The following CCL23 variants were observed in gnomAD, a reference collection of about 807,000 sequenced individuals.
CCL23 encodes C-C motif chemokine 23.
Under a neutral mutation model 11.8 loss-of-function variants are expected in CCL23, and 10 were observed. The ratio of observed to expected loss-of-function variants is 0.84; its 90% CI spans 0.52 to 1.43. The LOEUF is 1.43. Among genes scored for constraint, CCL23 ranks in the 40% most tolerant of loss-of-function variants. CCL23 has a pLI of 0.00. For synonymous variants in CCL23, 60 were observed against 61.0 expected (o/e 0.98, Z 0.07); for missense variants, 181 against 170.9 (o/e 1.06, Z -0.33).
In CCL23 at chr17:36,013,719, C is replaced by G. The variant is rs533067929; in HGVS notation, c.302+25G>C. On this transcript the variant is annotated intron_variant, in intron 3 of 3. Transcript: ENST00000615050. ...GCTACAGAGTCCTTCTCCCTCAACA[C>G]ATGTTTGGTGAGCTTGGCACCTACA... 26 of 1,613,094 alleles carry G rather than the reference C, an allele frequency of 1.6e-5. No homozygotes were observed. In the South Asian group the frequency reaches 2.2e-4, roughly 14 times the overall value.
intron 1 of CCL23, among the ~76,000 whole-genome samples, chr17:36,016,496 C>T (rs1461591635): frequency 2.0e-5 from 3 of 152,108 alleles, no homozygotes; most frequent in Non-Finnish European, 4.4e-5. Flanking sequence ...CTGCAAAGGA[C>T]ATGAATTCAT....
At position 36,017,916 on chromosome 17, in the gene CCL23, G is replaced by T; in HGVS notation, c.-19C>A. The T allele has an allele frequency of 6.2e-7, 1 of 1,612,688 alleles. No individual in the cohort carries two copies. Among genetic ancestry groups the T allele is most frequent in the Non-Finnish European group, 8.5e-7 (1 of 1,179,694 alleles). On this transcript the variant is annotated 5_prime_UTR_variant, in exon 1 of 4. In the 5' UTR this introduces an upstream ATG that the reference lacks. Transcript: ENST00000615050. ...CCTTCATCCTCCTGGTGGGCAGGCA[G>T]GGCTGGCCGAGGACTCCTGGGCTCA...
intron 3 of CCL23, 37 bp from the exon 4 acceptor site, chr17:36,013,345 T>C (rs201688503): frequency 7.2e-7 from 1 of 1,383,072 alleles, no homozygotes; most frequent in East Asian, 2.3e-5. Flanking sequence ...CAAACTGAGG[T>C]GTGTCCAGCA....
At position 36,013,820 on chromosome 17, in the gene CCL23, T is replaced by C. The variant is rs199911286; in HGVS notation, c.226A>G (p.Thr76Ala). ...ATSADCCISY[T>A]PRSIPCSLLE... ...AGTGAACACGGGATGCTTCGTGGGG[T>C]GTAGGAGATGCAGCAGTCAGCACTA... The change falls in exon 3 of 4, where the codon ACC (threonine) becomes GCC (alanine). Residue 76 changes from threonine to alanine, a missense_variant. Physicochemically the swap from Thr to Ala is moderately conservative, Grantham distance 58. Coordinates refer to ENST00000615050, the MANE Select transcript of CCL23 (RefSeq NM_005064.6). 284 of 1,613,946 alleles carry C rather than the reference T, an allele frequency of 1.8e-4. No homozygotes were observed. Among genetic ancestry groups the C allele is most frequent in the Non-Finnish European group, 2.3e-4 (270 of 1,179,978 alleles).
chr17:36,014,365 C>T lies in CCL23; in HGVS notation c.105G>A (p.Lys35=), dbSNP rs749752577. The T allele has an allele frequency of 3.1e-6, 5 of 1,613,656 alleles. No homozygotes were observed. The highest frequency in any genetic ancestry group is 1.3e-5 in the African/African-American group (1 of 75,044). The change falls in exon 2 of 4, where the codon AAG becomes AAA. Residue 35 remains lysine, a synonymous_variant. Transcript: ENST00000615050. ...GAAGTACTGGATTTTCCAATGGAAG[C>T]TTTGACATCATGAACTCTGTCTCTG... ...KDAETEFMMS[K]LPLENPVLLD... is the part of the protein sequence containing the mutation.
intron 1 of CCL23, among the ~76,000 whole-genome samples, chr17:36,015,329 A>C (rs75530228): frequency 0.027 from 4,145 of 152,268 alleles, 178 homozygotes; most frequent in African/African-American, 0.091. Flanking sequence ...ATTCAAGGGA[A>C]TCTCCTTACT....
chr17:36,013,810 C>T lies in CCL23; in HGVS notation c.236G>A (p.Ser79Asn), dbSNP rs142372148. Residue 79 changes from serine (S) to asparagine (N), a missense_variant, in exon 3 of 4, where the codon AGC becomes AAC. By Grantham distance (46) the Ser-to-Asn change is conservative (BLOSUM62 1). Coordinates refer to ENST00000615050, the MANE Select transcript of CCL23 (RefSeq NM_005064.6). ...ADCCISYTPR[S>N]IPCSLLESYF... ...ACTCTCCAGGAGTGAACACGGGATGCTTCGTGGGGTGTAGGAGATGCAGCA... is the reference window on the plus strand; with the variant it reads ...ACTCTCCAGGAGTGAACACGGGATGTTTCGTGGGGTGTAGGAGATGCAGCA... 17 of 1,614,064 alleles carry T rather than the reference C, an allele frequency of 1.1e-5. No homozygotes were observed. In the African/African-American group the frequency reaches 2.3e-4, roughly 22 times the overall value.
Position 36,014,364 on chromosome 17 carries a change from G to A in CCL23, c.106C>T (p.Leu36Phe), listed in dbSNP as rs1341110602. Residue 36 changes from leucine to phenylalanine, a missense_variant, in exon 2 of 4, where the codon CTT becomes TTT. Physicochemically the swap from Leu to Phe is conservative, Grantham distance 22. Coordinates refer to ENST00000615050, the MANE Select transcript of CCL23 (RefSeq NM_005064.6). Reference sequence around the variant, plus strand: ...AGAAGTACTGGATTTTCCAATGGAAGCTTTGACATCATGAACTCTGTCTCT... The same window carrying A: ...AGAAGTACTGGATTTTCCAATGGAAACTTTGACATCATGAACTCTGTCTCT... Reference protein sequence around the residue: ...DAETEFMMSKLPLENPVLLDM... With the variant: ...DAETEFMMSKFPLENPVLLDM... 6.2e-7 allele frequency: 1 copy of A among 1,613,562 alleles called. No homozygotes were observed.
chr17:36,013,954 C>T, intron 2 of CCL23, 45 bp from the exon 3 acceptor site: 2 of 1,582,780 alleles, frequency 1.3e-6, no homozygotes, highest in Non-Finnish European at 1.7e-6. Flanking sequence ...GATGTTTCCT[C>T]CTCCGTGACC....
chr17:36,016,038 C>T (rs966015330), intron 1 of CCL23, among the ~76,000 whole-genome samples: 1 of 150,862 alleles, frequency 6.6e-6, no homozygotes, highest in African/African-American at 2.4e-5. Flanking sequence ...AATGAGACTC[C>T]AACTCAAAAT....
At chr17:36,013,936 T>A (rs534551723) in intron 2 of CCL23, 27 bp from the exon 3 acceptor site, 2 of 1,610,178 alleles carry the variant, frequency 1.2e-6, no homozygotes, top group Admixed American at 3.3e-5. Context: ...GGCACATGGC[T>A]CAGAAGAGAT....
At position 36,017,940 on chromosome 17, in the gene CCL23, C is replaced by A. The variant is rs1423364835; in HGVS notation, c.-43G>T. The stretch of plus-strand genomic sequence containing the variant: ...AGGGCTGGCCGAGGACTCCTGGGCT[C>A]ACTGCTTCCTGGCTTCTCGGGATGC... On this transcript the variant is annotated 5_prime_UTR_variant, in exon 1 of 4. Coordinates refer to ENST00000615050, the MANE Select transcript of CCL23 (RefSeq NM_005064.6). The A allele has an allele frequency of 1.2e-6, 2 of 1,607,022 alleles. No individual in the cohort carries two copies. Among genetic ancestry groups the A allele is most frequent in the East Asian group, 4.5e-5 (2 of 44,746 alleles).
chr17:36,014,188 GCCCGTC>G, intron 2 of CCL23, 140 bp downstream of exon 2: 5 of 484,852 alleles, frequency 1.0e-5, no homozygotes, highest in South Asian at 5.3e-5. Context: ...GGTTCCCATA[GCCCGTC>G]CTGATCTTCC....
chr17:36,014,339 A>G lies in CCL23; in HGVS notation c.131T>C (p.Leu44Pro), dbSNP rs555749395. The G allele has an allele frequency of 5.0e-6, 8 of 1,611,202 alleles. No individual in the cohort carries two copies. The African/African-American group carries it at 9.3e-5, about 19-fold the overall frequency. Residue 44 changes from leucine to proline, a missense_variant, in exon 2 of 4, where the codon CTG (leucine) becomes CCG (proline). Coordinates refer to ENST00000615050, the MANE Select transcript of CCL23 (RefSeq NM_005064.6). ...SKLPLENPVLLDMLWRRKIGP... is the reference protein window; with the variant it reads ...SKLPLENPVLPDMLWRRKIGP... ...TGCCGTATCTGATCACTTACTGTCC[A>G]GAAGTACTGGATTTTCCAATGGAAG...
chr17:36,016,082 T>C (rs1472330490), intron 1 of CCL23, among the ~76,000 whole-genome samples: 1 of 150,542 alleles, frequency 6.6e-6, no homozygotes, highest in Non-Finnish European at 1.5e-5. Flanking sequence ...ACTTTTAATA[T>C]AATTTAATAA....
chr17:36,016,332 C>T (rs1181544166), intron 1 of CCL23, among the ~76,000 whole-genome samples: 1 of 152,070 alleles, frequency 6.6e-6, no homozygotes. Context: ...TTACCCTCCA[C>T]TCCCCGATAG....
At chr17:36,017,760 T>C (rs2090108272) in intron 1 of CCL23, 62 bp downstream of exon 1, 3 of 1,491,462 alleles carry the variant, frequency 2.0e-6, no homozygotes, top group Non-Finnish European at 2.8e-6. Context: ...GCAATGTGTC[T>C]CTGCCACAGA....
At position 36,013,717 on chromosome 17, in the gene CCL23, C is replaced by T. The variant is rs751968168; in HGVS notation, c.302+27G>A. On this transcript the variant is annotated intron_variant, in intron 3 of 3. Transcript: ENST00000615050. ...ATGCTACAGAGTCCTTCTCCCTCAACACATGTTTGGTGAGCTTGGCACCTA... is the reference window on the plus strand; with the variant it reads ...ATGCTACAGAGTCCTTCTCCCTCAATACATGTTTGGTGAGCTTGGCACCTA... 42 of 1,612,824 alleles carry T rather than the reference C, an allele frequency of 2.6e-5. No individual in the cohort carries two copies. In the Middle Eastern group the frequency reaches 5.1e-4, roughly 20 times the overall value.
intron 1 of CCL23, among the ~76,000 whole-genome samples, chr17:36,015,885 A>G (rs1734951): frequency 0.1 from 15,809 of 151,520 alleles, 1,892 homozygotes; most frequent in African/African-American, 0.27. Context: ...AAAAAAAAAA[A>G]ATACAAAAAT....
Sources: allele counts gnomAD v4.1 joint callset (sites outside exome capture counted in the v4.1 genomes callset), GRCh38; gene constraint gnomAD v4.1.1; transcripts MANE v1.5; gene names NCBI Gene and HGNC (gene_info 2026-07-23, HGNC 2026-07-21).